The following GALK2 variants were observed in gnomAD, a reference collection of about 807,000 sequenced individuals.
The protein encoded by GALK2 is N-acetylgalactosamine kinase.
In GALK2, 36 loss-of-function variants were observed where a neutral mutation model predicts 52.4. The ratio of observed to expected loss-of-function variants is 0.69; its 90% CI spans 0.53 to 0.91. The LOEUF (loss-of-function observed/expected upper bound fraction) is 0.91. Ranked by LOEUF, GALK2 falls within the 40% of genes least tolerant of loss-of-function variation. GALK2 has a pLI of 0.00. For synonymous variants in GALK2, 176 were observed against 199.1 expected, an observed-to-expected ratio of 0.88 and a Z score of 0.98; for missense variants, 579 against 559.1, an observed-to-expected ratio of 1.04 and a Z score of -0.36.
intron 1 of GALK2, among the ~76,000 whole-genome samples, chr15:49,188,549 T>A (rs190530048): frequency 6.6e-6 from 1 of 152,334 alleles, no homozygotes; most frequent in East Asian, 1.9e-4. Context: ...TTTCCAACCG[T>A]CTTCAGTATC....
Position 49,365,167 on chromosome 15 carries a change from G to GT in GALK2, c.427-2318dup. The GT allele has an allele frequency of 5.2e-6, 4 of 762,252 alleles. No individual in the cohort carries two copies. The South Asian group carries it at 5.9e-5, about 11-fold the overall frequency. 47.2% of individuals were successfully genotyped at this position (762,252 alleles called of 1,614,324 possible). ...CACCAGACATCACAGGGTTTTCTTC[G>GT]TTTTTTGCATAATACAGATGGTCCA... On this transcript the variant is annotated intron_variant, in intron 3 of 3. Transcript: ENST00000558399.
chr15:49,201,114 G>A (rs755733942), intron 1 of GALK2, 48 bp from the exon 2 acceptor site: 7 of 861,324 alleles, frequency 8.1e-6, no homozygotes, highest in African/African-American at 3.4e-5. Flanking sequence ...GTTATGTTAC[G>A]GATTTTCTGT....
downstream of GALK2, among the ~76,000 whole-genome samples, chr15:49,333,564 G>T (rs141656418): frequency 0.017 from 2,581 of 152,248 alleles, 35 homozygotes; most frequent in Middle Eastern, 0.031. Flanking sequence ...GCAGAAAGCT[G>T]GGTGATAAAG....
intron 8 of GALK2, among the ~76,000 whole-genome samples, chr15:49,300,429 G>A (rs1252955899): frequency 6.6e-6 from 1 of 151,908 alleles, no homozygotes; most frequent in Non-Finnish European, 1.5e-5. Context: ...CATTTAACCT[G>A]TTTAAATTCC....
intron 3 of GALK2, among the ~76,000 whole-genome samples, chr15:49,355,766 G>C (rs536385311): frequency 5.4e-4 from 82 of 151,802 alleles, no homozygotes; most frequent in Non-Finnish European, 1.1e-3. Context: ...CTCGAGAAGA[G>C]CAACTCCAAG....
chr15:49,340,403 G>T (rs867058365), intron 3 of GALK2, among the ~76,000 whole-genome samples: 2 of 94,378 alleles, frequency 2.1e-5, no homozygotes, highest in Admixed American at 1.1e-4. Context: ...GCAGTGCCCC[G>T]CCCCCCCCCT....
intron 3 of GALK2, among the ~76,000 whole-genome samples, chr15:49,342,053 G>A (rs776491718): frequency 7.2e-5 from 11 of 152,130 alleles, no homozygotes; most frequent in Non-Finnish European, 1.6e-4. Context: ...TGTCCTATTG[G>A]TTAAGTGTCT....
At chr15:49,214,088 C>T (rs1283728422) in intron 2 of GALK2, among the ~76,000 whole-genome samples, 1 of 151,876 alleles carries the variant, frequency 6.6e-6, no homozygotes, top group Non-Finnish European at 1.5e-5. Context: ...CCACTGCACT[C>T]CAGCCTGGGC....
intron 3 of GALK2, among the ~76,000 whole-genome samples, chr15:49,360,101 A>AG (rs567696991): frequency 1.5e-5 from 1 of 67,028 alleles, no homozygotes; most frequent in Non-Finnish European, 2.7e-5. Context: ...GGGTGGGGGG[A>AG]GGGGGGAGGG....
intron 8 of GALK2, among the ~76,000 whole-genome samples, chr15:49,303,918 TACTC>T (rs1361677153): frequency 1.3e-5 from 2 of 152,256 alleles, no homozygotes; most frequent in Non-Finnish European, 2.9e-5. Flanking sequence ...AAGGAAATGT[TACTC>T]AGTATTCCCT....
chr15:49,199,293 TATAGATA>T (rs1055972526), intron 1 of GALK2: 5 of 152,146 alleles, frequency 3.3e-5, no homozygotes, highest in Non-Finnish European at 4.4e-5. Context: ...TTCCCCCTAT[TATAGATA>T]ACTTAAAGTT....
chr15:49,171,087 T>TC lies in GALK2; in HGVS notation c.53+712_53+713insC, dbSNP rs201608005. ...TCTTTTTTCTTTTTCTTTTTCTTTTTTTTTTTTTTTTTGAGACGGAGTTTT... is the reference window on the plus strand; with the variant it reads ...TCTTTTTTCTTTTTCTTTTTCTTTTTCTTTTTTTTTTTTGAGACGGAGTTTT... On this transcript the variant is annotated intron_variant, in intron 1 of 9. Coordinates refer to ENST00000560031, the MANE Select transcript of GALK2 (RefSeq NM_002044.4). Among the ~76,000 whole-genome samples, 812 of 141,384 alleles carry TC rather than the reference T, an allele frequency of 5.7e-3. 9 individuals carry two copies. Among genetic ancestry groups the TC allele is most frequent in the African/African-American group, 0.022 (772 of 35,162 alleles). The allele number at this position is 141,384 out of a possible 152,430, so 92.8% of individuals were successfully genotyped here.
intron 5 of GALK2, among the ~76,000 whole-genome samples, chr15:49,262,748 C>G (rs2092181505): frequency 6.9e-6 from 1 of 144,688 alleles, no homozygotes; most frequent in African/African-American, 2.6e-5. Context: ...GAATGCATCC[C>G]AGAGATTCTG....
chr15:49,222,982 G>A lies in GALK2; in HGVS notation c.266+5669G>A, dbSNP rs895795008. The A allele has an allele frequency of 4.4e-4, 67 of 152,278 alleles. 1 individual carries two copies. The highest frequency in any genetic ancestry group is 1.6e-3 in the African/African-American group (65 of 41,544). 9.4% of individuals were successfully genotyped at this position (152,278 alleles called of 1,614,324 possible). A position where few individuals can be genotyped will look rare whatever the true frequency, so the allele number is the denominator to read the frequency against. ...TTGGTATTTGTTCTTTGTAAGTTTG[G>A]TAGAATTTTTCAGTGAAGCTGTCCA... On this transcript the variant is annotated intron_variant, in intron 3 of 9. Coordinates refer to ENST00000560031, the MANE Select transcript of GALK2 (RefSeq NM_002044.4).
At chr15:49,248,518 G>A (rs1236832521) in intron 5 of GALK2, among the ~76,000 whole-genome samples, 1 of 152,214 alleles carries the variant, frequency 6.6e-6, no homozygotes, top group African/African-American at 2.4e-5. Flanking sequence ...CTGAAGCCAT[G>A]TGCTCACTGG....
exon 1 of GALK2, chr15:49,155,872 G>A: frequency 1.9e-6 from 2 of 1,074,742 alleles, no homozygotes; most frequent in Non-Finnish European, 2.8e-6. Context: ...CTCGCATCGA[G>A]CAGTTTCCAG....
In GALK2 at chr15:49,319,764, G is replaced by C. The variant is rs759659124; in HGVS notation, c.1128G>C (p.Glu376Asp). ...QSHMSCRDMY[E>D]CSCPELDQLV... Reference sequence around the variant, plus strand: ...ACATGAGCTGCCGGGACATGTATGAGTGCAGCTGCCCCGAGCTGGATCAGC... The same window carrying C: ...ACATGAGCTGCCGGGACATGTATGACTGCAGCTGCCCCGAGCTGGATCAGC... Residue 376 changes from glutamate to aspartate, a missense_variant, in exon 9 of 10, where the codon GAG (glutamate) becomes GAC (aspartate). Glu to Asp is a conservative substitution (Grantham distance 45). Coordinates refer to ENST00000560031, the MANE Select transcript of GALK2 (RefSeq NM_002044.4). The C allele has an allele frequency of 6.2e-7, 1 of 1,614,104 alleles. No individual in the cohort carries two copies. The highest frequency in any genetic ancestry group is 1.1e-5 in the South Asian group (1 of 91,068).
intron 1 of GALK2, chr15:49,178,462 C>T (rs1460355461): frequency 7.4e-6 from 2 of 270,454 alleles, no homozygotes; most frequent in Admixed American, 7.9e-5. Context: ...TTCAAGCATA[C>T]TTTAGCTGGT....
chr15:49,347,927 G>A (rs1385026564), intron 3 of GALK2, among the ~76,000 whole-genome samples: 1 of 149,366 alleles, frequency 6.7e-6, no homozygotes, highest in East Asian at 2.0e-4. Context: ...GCTGAGGCAG[G>A]AGAATTGTTT....
Sources: gnomAD v4.1 joint callset for allele counts (sites outside exome capture counted in the v4.1 genomes callset) on GRCh38, gnomAD v4.1.1 for gene constraint, MANE v1.5 for transcripts, NCBI Gene and HGNC (gene_info 2026-07-23, HGNC 2026-07-21) for gene names.